Variants in PCDHGB7 observed in about 807,000 individuals in gnomAD.
PCDHGB7 encodes protocadherin gamma-B7.
A neutral mutation model predicts 61.4 loss-of-function variants in PCDHGB7; 37 were observed. The observed-to-expected ratio is 0.60, with a 90% CI of 0.46 to 0.79. PCDHGB7 has a LOEUF of 0.79. Among genes scored for constraint, PCDHGB7 ranks in the 30% least tolerant of loss-of-function variants. The pLI is 0.00. For missense variants in PCDHGB7, 1,166 were observed against 1,202.5 expected (o/e 0.97, Z 0.45); for synonymous variants, 464 against 503.5 (o/e 0.92, Z 1.05).
intron 1 of PCDHGB7, among the ~76,000 whole-genome samples, chr5:141,455,138 T>C (rs1393664563): frequency 6.6e-6 from 1 of 151,028 alleles, no homozygotes; most frequent in Non-Finnish European, 1.5e-5. Context: ...TTACACTGTG[T>C]TAAATAAATA....
At chr5:141,474,090 AAACAACAACAAAAAC>A (rs1459798801) in intron 1 of PCDHGB7, among the ~76,000 whole-genome samples, 1 of 152,206 alleles carries the variant, frequency 6.6e-6, no homozygotes, top group African/African-American at 2.4e-5. Flanking sequence ...ACCAAAAAAC[AAACAACAACAAAAAC>A]AACAACAACG....
intron 1 of PCDHGB7, among the ~76,000 whole-genome samples, chr5:141,456,483 CTTAATA>C (rs2098861684): frequency 1.3e-5 from 2 of 152,072 alleles, no homozygotes; most frequent in African/African-American, 4.8e-5. Context: ...CAAGAGAGTG[CTTAATA>C]AAGGGGTTAA....
intron 1 of PCDHGB7, among the ~76,000 whole-genome samples, chr5:141,459,724 T>C (rs1440632046): frequency 6.6e-6 from 1 of 152,250 alleles, no homozygotes; most frequent in Non-Finnish European, 1.5e-5. Context: ...TGCTTCCTAT[T>C]GTCAATTTTT....
At chr5:141,471,046 C>G (rs960750377) in intron 1 of PCDHGB7, among the ~76,000 whole-genome samples, 3 of 113,280 alleles carry the variant, frequency 2.6e-5, no homozygotes, top group African/African-American at 1.1e-4. Context: ...CCCAAGCCCT[C>G]TTTTTTTTTT....
chr5:141,488,714 A>G (rs2099678684), intron 1 of PCDHGB7, among the ~76,000 whole-genome samples: 1 of 152,192 alleles, frequency 6.6e-6, no homozygotes, highest in Non-Finnish European at 1.5e-5. Flanking sequence ...TGGTTCAAGC[A>G]AAGTGGTGGA....
Position 141,418,150 on chromosome 5 carries a change from A to C in PCDHGB7, c.291A>C (p.Lys97Asn), listed in dbSNP as rs1377300460. Reference protein sequence around the residue: ...KDRIDREQICKERRRCELQLE... With the variant: ...KDRIDREQICNERRRCELQLE... ...GAATAGACCGTGAGCAAATATGCAA[A>C]GAGAGAAGAAGATGTGAGTTGCAAT... The change falls in exon 1 of 4, where the codon AAA becomes AAC. Residue 97 changes from lysine to asparagine, a missense_variant. Transcript: ENST00000398594. The C allele has an allele frequency of 1.2e-6, 2 of 1,614,112 alleles. No homozygotes were observed. Among genetic ancestry groups the C allele is most frequent in the Non-Finnish European group, 8.5e-7 (1 of 1,179,910 alleles).
At position 141,431,034 on chromosome 5, in the gene PCDHGB7, G is replaced by C. The variant is rs372312860; in HGVS notation, c.2415+10760G>C. 2.5e-6 allele frequency: 4 copies of C among 1,613,992 alleles called. No homozygotes were observed. The highest frequency in any genetic ancestry group is 2.7e-5 in the African/African-American group (2 of 74,938). On this transcript the variant is annotated intron_variant, in intron 1 of 3. Coordinates refer to ENST00000398594, the MANE Select transcript of PCDHGB7 (RefSeq NM_018927.4). The surrounding 1 kb of genome is among the most constrained non-coding windows in gnomAD (Gnocchi z 4.8). ...TTGGTCACGGCGGGCAGGATAGACC[G>C]GGAGGAGCTCTGTATGGGGGCCATC...
At chr5:141,441,984 A>G (rs1202392318) in intron 1 of PCDHGB7, 4 of 275,400 alleles carry the variant, frequency 1.5e-5, no homozygotes, top group South Asian at 7.2e-5. Flanking sequence ...TGGAATGCGC[A>G]CCGACGAGGT....
In PCDHGB7 at chr5:141,418,278, T is replaced by C. The variant is rs2096243624; in HGVS notation, c.419T>C (p.Leu140Ser). ...APQFRKDEIN[L>S]EISESVSLGM... ...CAATTCCGGAAAGATGAAATAAACTTAGAAATCAGTGAATCCGTCAGCCTG... is the reference window on the plus strand; with the variant it reads ...CAATTCCGGAAAGATGAAATAAACTCAGAAATCAGTGAATCCGTCAGCCTG... Residue 140 changes from leucine to serine, a missense_variant, in exon 1 of 4, where the codon TTA becomes TCA. Physicochemically the swap from Leu to Ser is moderately radical, Grantham distance 145. Transcript: ENST00000398594. 6.2e-7 allele frequency: 1 copy of C among 1,613,954 alleles called. No individual in the cohort carries two copies. The highest frequency in any genetic ancestry group is 2.2e-5 in the East Asian group (1 of 44,880).
intron 1 of PCDHGB7, among the ~76,000 whole-genome samples, chr5:141,492,802 G>A (rs1490284966): frequency 6.6e-6 from 1 of 152,234 alleles, no homozygotes; most frequent in Non-Finnish European, 1.5e-5. Flanking sequence ...GCAGGACTGG[G>A]ACTCCAGTGG....
rs768509409 is a variant in PCDHGB7 at position 141,489,236 on chromosome 5, G to C, written c.2416-5571G>C. 1 of 1,531,176 alleles carries C rather than the reference G, an allele frequency of 6.5e-7. No homozygotes were observed. 94.8% of individuals were successfully genotyped at this position (1,531,176 alleles called of 1,614,324 possible). On this transcript the variant is annotated intron_variant, in intron 1 of 3. Transcript: ENST00000398594. The surrounding 1 kb of genome is among the most constrained non-coding windows in gnomAD (Gnocchi z 4.5). The stretch of plus-strand genomic sequence containing the variant: ...ACTTACTCTCCACAAAGGGACTTCT[G>C]GGTCATGGGGCCCAAGACACTCCCA...
chr5:141,506,444 CAAAAA>C (rs1219684339), intron 3 of PCDHGB7, among the ~76,000 whole-genome samples: 4 of 95,024 alleles, frequency 4.2e-5, no homozygotes, highest in Admixed American at 1.1e-4. Flanking sequence ...CGCTCTGTCT[CAAAAA>C]AAAAAAAAAA....
At chr5:141,447,988 A>C (rs1234413003) in intron 1 of PCDHGB7, among the ~76,000 whole-genome samples, 1 of 152,018 alleles carries the variant, frequency 6.6e-6, no homozygotes, top group Non-Finnish European at 1.5e-5. Flanking sequence ...CGGGAGGCTG[A>C]GGCATGAGAA....
chr5:141,490,833 G>C lies in PCDHGB7; in HGVS notation c.2416-3974G>C, dbSNP rs781529579. ...ACTATGAATTGCTGCAGATGCTGCA[G>C]ATTGTGGTGGGGGTTCGAGACTCCG... On this transcript the variant is annotated intron_variant, in intron 1 of 3. Coordinates refer to ENST00000398594, the MANE Select transcript of PCDHGB7 (RefSeq NM_018927.4). This position sits in a 1 kb window ranked among gnomAD's most constrained non-coding sequence, Gnocchi z 5.4. The C allele has an allele frequency of 6.2e-7, 1 of 1,613,932 alleles. No homozygotes were observed. Among genetic ancestry groups the C allele is most frequent in the East Asian group, 2.2e-5 (1 of 44,884 alleles).
rs537087639 is a variant in PCDHGB7 at position 141,510,502 on chromosome 5, G to A, written c.2564-445G>A. 3.3e-5 allele frequency among the ~76,000 whole-genome samples: 5 copies of A among 152,296 alleles called. No homozygotes were observed. The South Asian group carries it at 6.2e-4, about 19-fold the overall frequency. ...CTTGAGAAAGCCAGGGCAAGGAACTGAGAGCCCGTGTCACAGCCCTGAGAG... is the reference window on the plus strand; with the variant it reads ...CTTGAGAAAGCCAGGGCAAGGAACTAAGAGCCCGTGTCACAGCCCTGAGAG... On this transcript the variant is annotated intron_variant, in intron 3 of 3. Coordinates refer to ENST00000398594, the MANE Select transcript of PCDHGB7 (RefSeq NM_018927.4).
Position 141,491,880 on chromosome 5 carries a change from G to C in PCDHGB7, c.2416-2927G>C. ...GCGAAACCAGAGTGGCCGATTAAGG[G>C]ATGGGGCTCCGAGCACCGGGGGTGG... On this transcript the variant is annotated intron_variant, in intron 1 of 3. Transcript: ENST00000398594. This position sits in a 1 kb window ranked among gnomAD's most constrained non-coding sequence, Gnocchi z 6.9. 1 of 1,449,834 alleles carries C rather than the reference G, an allele frequency of 6.9e-7. No individual in the cohort carries two copies. 89.8% of individuals were successfully genotyped at this position (1,449,834 alleles called of 1,614,324 possible).
chr5:141,428,632 G>A (rs574049916), intron 1 of PCDHGB7: 35 of 182,522 alleles, frequency 1.9e-4, no homozygotes, highest in African/African-American at 7.6e-4. Context: ...CTCTAACTCT[G>A]TTGCTCCTAC....
At chr5:141,495,102 C>A (rs1344771035) in intron 2 of PCDHGB7, among the ~76,000 whole-genome samples, 3 of 152,160 alleles carry the variant, frequency 2.0e-5, no homozygotes, top group Non-Finnish European at 4.4e-5. Flanking sequence ...CTCGCCACGA[C>A]CGGCACCTTT....
intron 1 of PCDHGB7, chr5:141,433,292 C>A: frequency 9.2e-7 from 1 of 1,082,526 alleles, no homozygotes; most frequent in South Asian, 1.6e-5. Context: ...CTCCTAGGCT[C>A]AAGCAATTAT....
Sources: gnomAD v4.1 joint callset for allele counts (sites outside exome capture counted in the v4.1 genomes callset) on GRCh38, gnomAD v4.1.1 for gene constraint, Gnocchi (gnomAD v3.1) non-coding constraint, MANE v1.5 for transcripts, NCBI Gene and HGNC (gene_info 2026-07-23, HGNC 2026-07-21) for gene names.